The following PWWP2A variants were observed in gnomAD, a reference collection of about 807,000 sequenced individuals.
PWWP2A encodes the protein PWWP domain containing 2A, also known as PWWP domain-containing protein 2A.
Under a neutral mutation model 48.5 loss-of-function variants are expected in PWWP2A, and 18 were observed. That is an observed-to-expected ratio of 0.37 (90% CI 0.26 to 0.55). PWWP2A has a LOEUF of 0.55. Ranked by LOEUF, PWWP2A falls within the 20% of genes least tolerant of loss-of-function variation. The probability of loss-of-function intolerance (pLI) is 0.81; values close to 1 mark genes in which losing one functional copy is unlikely to be tolerated. For missense variants in PWWP2A, 867 were observed against 976.4 expected, an observed-to-expected ratio of 0.89 and a Z score of 1.49; for synonymous variants, 396 against 387.7, an observed-to-expected ratio of 1.02 and a Z score of -0.25.
chr5:160,054,617 G>T, the PWWP2A span, among the ~76,000 whole-genome samples: 1 of 141,382 alleles, frequency 7.1e-6, no homozygotes, highest in African/African-American at 2.6e-5. Flanking sequence ...AAAAAAGAAA[G>T]AAAAAAGAAA....
At chr5:160,086,819 T>C (rs1754682262), downstream of PWWP2A, among the ~76,000 whole-genome samples, 1 of 152,214 alleles carries the variant, frequency 6.6e-6, no homozygotes, top group Admixed American at 6.5e-5. Flanking sequence ...TGGAAGTCAT[T>C]TAAATTAGTA....
chr5:160,101,323 C>T (rs1221990581), intron 1 of PWWP2A, among the ~76,000 whole-genome samples: 1 of 152,058 alleles, frequency 6.6e-6, no homozygotes, highest in African/African-American at 2.4e-5. Context: ...GCACTCCAGC[C>T]AGGGTGATAG....
Position 160,119,074 on chromosome 5 carries a change from G to A in PWWP2A, c.315C>T (p.Ala105=), listed in dbSNP as rs1405296099. 4.4e-6 allele frequency: 7 copies of A among 1,588,668 alleles called. No individual in the cohort carries two copies. The Admixed American group carries it at 1.2e-4, about 27-fold the overall frequency. The change falls in exon 1 of 2, where the codon GCC becomes GCT. Residue 105 remains alanine, a synonymous_variant. Coordinates refer to ENST00000307063, the MANE Select transcript of PWWP2A (RefSeq NM_001130864.2). ...GAAGTTCCGGCCCTCCCTGAGGCGC[G>A]GCTGCCGCCGACTCCGCCACCCGAA... is the stretch of plus-strand genomic sequence containing the variant. ...LSVRVAESAA[A]APQGGPELPP... is the part of the protein sequence containing the mutation.
intron 1 of PWWP2A, among the ~76,000 whole-genome samples, chr5:160,100,144 T>C (rs758281225): frequency 2.0e-5 from 3 of 150,094 alleles, no homozygotes; most frequent in Non-Finnish European, 4.5e-5. Context: ...CTACTAAAAA[T>C]ACAAAAATGA....
At chr5:160,108,523 A>C (rs1182367139) in intron 1 of PWWP2A, 1 of 1,221,140 alleles carries the variant, frequency 8.2e-7, no homozygotes, top group Admixed American at 2.3e-5. Context: ...CTGTAGTATA[A>C]GCTACTGATA....
In PWWP2A at chr5:160,078,513, G is replaced by A. The variant is rs1465994166; in HGVS notation, c.1670-345C>T. ...GAATTTTAACTTTGTTCCTTATATC[G>A]CCATTTCACAGTACAGTGCTCTGAG... On this transcript the variant is annotated intron_variant, in intron 3 of 3. Transcript: ENST00000456329. This position sits in a 1 kb window ranked among gnomAD's most constrained non-coding sequence, Gnocchi z 4.2. 2.0e-5 allele frequency among the ~76,000 whole-genome samples: 3 copies of A among 151,842 alleles called. No individual in the cohort carries two copies. The highest frequency in any genetic ancestry group is 4.8e-5 in the African/African-American group (2 of 41,280).
intron 2 of PWWP2A, among the ~76,000 whole-genome samples, chr5:160,070,722 C>T (rs1406389513): frequency 2.0e-5 from 3 of 152,182 alleles, no homozygotes; most frequent in African/African-American, 7.2e-5. Flanking sequence ...ACTTTAGGGA[C>T]ATGGTGGCAC....
At chr5:160,110,124 G>C (rs931080823) in intron 1 of PWWP2A, among the ~76,000 whole-genome samples, 7 of 151,230 alleles carry the variant, frequency 4.6e-5, no homozygotes, top group South Asian at 2.1e-4. Context: ...GGATTCCAGT[G>C]ATTTTCTTGC....
At chr5:160,045,532 TCTCTCTC>T in the PWWP2A span, among the ~76,000 whole-genome samples, 1 of 138,960 alleles carries the variant, frequency 7.2e-6, no homozygotes. Context: ...TCTCTCTCTC[TCTCTCTC>T]TCTCTCTCTC....
At chr5:160,089,011 T>C (rs1754858494), downstream of PWWP2A, among the ~76,000 whole-genome samples, 1 of 152,218 alleles carries the variant, frequency 6.6e-6, no homozygotes, top group African/African-American at 2.4e-5. Flanking sequence ...GATTTTAGTA[T>C]CAGTTCCCTG....
chr5:160,099,657 GGAGT>G (rs1367669004), intron 1 of PWWP2A, among the ~76,000 whole-genome samples: 6 of 151,128 alleles, frequency 4.0e-5, no homozygotes, highest in Admixed American at 1.3e-4. Flanking sequence ...TAATAATTTA[GGAGT>G]AAGTGCCAAA....
At chr5:160,076,147 T>G (rs1365103076) in exon 4 of PWWP2A, 1 of 152,098 alleles carries the variant, frequency 6.6e-6, no homozygotes. Context: ...AATGAAAATC[T>G]GGTTTGTAAC....
Position 160,091,965 on chromosome 5 carries a change from T to C in PWWP2A, c.*417A>G, listed in dbSNP as rs1302460344. On this transcript the variant is annotated 3_prime_UTR_variant, in exon 2 of 2. Transcript: ENST00000307063. ...ACAGTGACAGGCTGTATTTCATATA[T>C]ATATATGTGTATATATACATATATA... The C allele has an allele frequency of 6.9e-6, 6 of 870,784 alleles. No homozygotes were observed. Among genetic ancestry groups the C allele is most frequent in the Non-Finnish European group, 8.2e-6 (6 of 727,840 alleles). 53.9% of individuals were successfully genotyped at this position (870,784 alleles called of 1,614,324 possible). A position where few individuals can be genotyped will look rare whatever the true frequency, so the allele number is the denominator to read the frequency against.
chr5:160,086,531 T>C (rs1431010599), downstream of PWWP2A, among the ~76,000 whole-genome samples: 1 of 151,946 alleles, frequency 6.6e-6, no homozygotes, highest in Non-Finnish European at 1.5e-5. Context: ...AATAAATATA[T>C]ATATATATAC....
At chr5:160,089,860 G>A, downstream of PWWP2A, 1 of 985,242 alleles carries the variant, frequency 1.0e-6, no homozygotes, top group Non-Finnish European at 1.2e-6. Flanking sequence ...ATTTCAAAGA[G>A]AAATATAAAG....
the PWWP2A span, chr5:160,049,382 A>G: frequency 1.3e-6 from 1 of 796,148 alleles, no homozygotes; most frequent in Non-Finnish European, 1.8e-6. Context: ...GTTTTCCAGC[A>G]TCAGGTATAC....
chr5:160,062,118 A>C (rs1753434139), intron 5 of PWWP2A: 1 of 152,258 alleles, frequency 6.6e-6, no homozygotes. Context: ...ATACATCTTC[A>C]TGACTGCCAC....
At chr5:160,084,891 C>G (rs930315830) in intron 2 of PWWP2A, among the ~76,000 whole-genome samples, 3 of 151,922 alleles carry the variant, frequency 2.0e-5, no homozygotes, top group African/African-American at 7.3e-5. Context: ...CATATTTTAC[C>G]TGACATCCCT....
At chr5:160,074,393 G>A (rs904793340), downstream of PWWP2A, among the ~76,000 whole-genome samples, 46 of 152,018 alleles carry the variant, frequency 3.0e-4, no homozygotes, top group African/African-American at 9.4e-4. Flanking sequence ...AGCCGAGATC[G>A]CACCACTGCA....
Sources: gnomAD v4.1 joint callset for allele counts (sites outside exome capture counted in the v4.1 genomes callset) on GRCh38, gnomAD v4.1.1 for gene constraint, Gnocchi (gnomAD v3.1) non-coding constraint, MANE v1.5 for transcripts, NCBI Gene and HGNC (gene_info 2026-07-23, HGNC 2026-07-21) for gene names.